The following STXBP5L variants were observed in gnomAD, a reference collection of about 807,000 sequenced individuals.
STXBP5L encodes syntaxin binding protein 5L.
STXBP5L carries 65 observed loss-of-function variants against 144.5 expected under a neutral mutation model. The observed-to-expected ratio is 0.45, with a 90% CI of 0.37 to 0.55. The LOEUF is 0.55. Ranked by LOEUF, STXBP5L falls within the 20% of genes least tolerant of loss-of-function variation. The probability of loss-of-function intolerance (pLI) is 0.00; values close to 1 mark genes in which losing one functional copy is unlikely to be tolerated. For synonymous variants in STXBP5L, 505 were observed against 469.6 expected (o/e 1.08, Z -0.97); for missense variants, 1,298 against 1,405.5 (o/e 0.92, Z 1.22).
intron 7 of STXBP5L, among the ~76,000 whole-genome samples, chr3:121,147,392 T>C (rs553662491): frequency 6.6e-6 from 1 of 152,184 alleles, no homozygotes; most frequent in African/African-American, 2.4e-5. Flanking sequence ...AGTATAAAAA[T>C]TAGAATATAT....
At chr3:121,281,537 G>A (rs928796789) in intron 19 of STXBP5L, among the ~76,000 whole-genome samples, 4 of 152,094 alleles carry the variant, frequency 2.6e-5, no homozygotes, top group South Asian at 4.1e-4. Context: ...CAGGTGTTCA[G>A]TTTGCAATGC....
intron 10 of STXBP5L, among the ~76,000 whole-genome samples, chr3:121,221,728 A>G (rs1361504324): frequency 6.6e-6 from 1 of 151,858 alleles, no homozygotes; most frequent in Non-Finnish European, 1.5e-5. Flanking sequence ...GTGCAAGACT[A>G]TTACTCAAAT....
chr3:121,093,389 A>G (rs1315322253), intron 5 of STXBP5L, among the ~76,000 whole-genome samples: 3 of 152,122 alleles, frequency 2.0e-5, no homozygotes, highest in Non-Finnish European at 4.4e-5. Context: ...TCGGCTGTGA[A>G]TCCATCTGGT....
At chr3:120,991,213 A>G (rs1227927224) in intron 3 of STXBP5L, among the ~76,000 whole-genome samples, 1 of 151,992 alleles carries the variant, frequency 6.6e-6, no homozygotes, top group Non-Finnish European at 1.5e-5. Context: ...TTATGCAGCC[A>G]AAAGACACAT....
At chr3:121,148,505 A>G (rs937442326) in intron 7 of STXBP5L, among the ~76,000 whole-genome samples, 2 of 152,186 alleles carry the variant, frequency 1.3e-5, no homozygotes, top group Non-Finnish European at 2.9e-5. Flanking sequence ...TAATTTTCCC[A>G]AAGCTATGAA....
chr3:121,143,680 G>C (rs1041353781), intron 7 of STXBP5L, among the ~76,000 whole-genome samples: 2 of 151,820 alleles, frequency 1.3e-5, no homozygotes, highest in African/African-American at 2.4e-5. Flanking sequence ...TCTTTGACAA[G>C]GGTGCCAAGA....
intron 3 of STXBP5L, among the ~76,000 whole-genome samples, chr3:121,036,676 A>C (rs1223893557): frequency 6.6e-6 from 1 of 151,808 alleles, no homozygotes; most frequent in East Asian, 1.9e-4. Flanking sequence ...GGGAGATTTT[A>C]TTAAGAAAGC....
intron 19 of STXBP5L, among the ~76,000 whole-genome samples, chr3:121,316,776 A>G (rs766431226): frequency 1.1e-4 from 16 of 152,170 alleles, no homozygotes; most frequent in Non-Finnish European, 2.2e-4. Context: ...GAGATCTGTA[A>G]AACACCCACC....
chr3:120,978,277 C>T (rs1299078973), intron 3 of STXBP5L, among the ~76,000 whole-genome samples: 2 of 152,186 alleles, frequency 1.3e-5, no homozygotes, highest in East Asian at 3.9e-4. Context: ...CTTCCCTTCT[C>T]ACTACATTTC....
At chr3:121,075,809 C>T (rs2041995492) in intron 5 of STXBP5L, among the ~76,000 whole-genome samples, 2 of 152,214 alleles carry the variant, frequency 1.3e-5, no homozygotes. Context: ...CAGTTTGGGT[C>T]AGCGTCTATT....
chr3:121,350,975 T>C (rs1455088778), intron 20 of STXBP5L, among the ~76,000 whole-genome samples: 1 of 152,180 alleles, frequency 6.6e-6, no homozygotes, highest in Non-Finnish European at 1.5e-5. Flanking sequence ...AATCATTCTC[T>C]GTCCAGCTTT....
At chr3:120,994,073 C>T (rs925554434) in intron 3 of STXBP5L, among the ~76,000 whole-genome samples, 2 of 151,750 alleles carry the variant, frequency 1.3e-5, no homozygotes, top group Non-Finnish European at 2.9e-5. Context: ...ATTGCTGTCT[C>T]AATTTCTTTT....
At chr3:121,385,049 T>G (rs1254115207) in intron 22 of STXBP5L, among the ~76,000 whole-genome samples, 1 of 152,054 alleles carries the variant, frequency 6.6e-6, no homozygotes, top group Non-Finnish European at 1.5e-5. Flanking sequence ...AAAATATATA[T>G]CTCTCATAAT....
rs771679688 is a variant in STXBP5L, at chr3:121,180,815, G to C, written c.877+23188G>C. On this transcript the variant is annotated intron_variant, in intron 9 of 26. Coordinates refer to ENST00000471454, the MANE Select transcript of STXBP5L (RefSeq NM_001308330.2). ...CTTGAACCTAGGAGGTGCGGTTGCA[G>C]TGAGCCAAAATCGTGCCATTGCACT... Among the ~76,000 whole-genome samples, 4 of 152,212 alleles carry C rather than the reference G, an allele frequency of 2.6e-5. No individual in the cohort carries two copies. The East Asian group carries it at 5.8e-4, about 22-fold the overall frequency.
chr3:121,142,963 A>C (rs1444590131), intron 7 of STXBP5L, among the ~76,000 whole-genome samples: 1 of 151,908 alleles, frequency 6.6e-6, no homozygotes, highest in Non-Finnish European at 1.5e-5. Context: ...CAAAATTGAC[A>C]AACTCAGCTA....
At chr3:121,409,718 G>T (rs2047073959) in intron 23 of STXBP5L, among the ~76,000 whole-genome samples, 1 of 151,856 alleles carries the variant, frequency 6.6e-6, no homozygotes, top group South Asian at 2.1e-4. Context: ...AAAGGTTTTG[G>T]AACACAGCCA....
At chr3:120,979,175 C>G (rs1336461275) in intron 3 of STXBP5L, among the ~76,000 whole-genome samples, 3 of 152,198 alleles carry the variant, frequency 2.0e-5, no homozygotes, top group African/African-American at 7.2e-5. Flanking sequence ...GCAGGCAGGC[C>G]TCCTTGAGCT....
At chr3:120,991,783 G>T (rs1348186696) in intron 3 of STXBP5L, among the ~76,000 whole-genome samples, 1 of 151,194 alleles carries the variant, frequency 6.6e-6, no homozygotes, top group East Asian at 1.9e-4. Context: ...GACACAGGGT[G>T]GCAAACATCA....
At chr3:121,120,163 C>T (rs2044394643) in intron 6 of STXBP5L, among the ~76,000 whole-genome samples, 1 of 151,208 alleles carries the variant, frequency 6.6e-6, no homozygotes, top group Admixed American at 6.6e-5. Context: ...GAACAACTAA[C>T]TTATCGTAAA....
Sources: gnomAD v4.1 joint callset for allele counts (sites outside exome capture counted in the v4.1 genomes callset) on GRCh38, gnomAD v4.1.1 for gene constraint, MANE v1.5 for transcripts, NCBI Gene and HGNC (gene_info 2026-07-23, HGNC 2026-07-21) for gene names.